BCAS3: variants seen among roughly 807,000 people sequenced by gnomAD.
BCAS3 encodes the protein BCAS3 microtubule associated cell migration factor, also known as BCAS4/BCAS3 fusion.
A neutral mutation model predicts 116.1 loss-of-function variants in BCAS3; 53 were observed. The observed-to-expected ratio is 0.46, with a 90% confidence interval of 0.37 to 0.57. The LOEUF (loss-of-function observed/expected upper bound fraction) is 0.57, where lower values mean the gene tolerates loss of function less well. Ranked by LOEUF, BCAS3 falls within the 20% of genes least tolerant of loss-of-function variation. BCAS3 has a pLI of 0.00. For synonymous variants in BCAS3, 391 were observed against 408.2 expected (o/e 0.96, Z 0.51); for missense variants, 917 against 1,165.4 (o/e 0.79, Z 3.10).
At chr17:60,704,190 G>T (rs926596062) in intron 4 of BCAS3, among the ~76,000 whole-genome samples, 3 of 152,100 alleles carry the variant, frequency 2.0e-5, no homozygotes, top group South Asian at 2.1e-4. Flanking sequence ...GAGGAGAAAG[G>T]TTATCTGCCT....
chr17:60,794,051 G>A lies in BCAS3; in HGVS notation c.404-13953G>A, dbSNP rs1018150600. Among the ~76,000 whole-genome samples the A allele has an allele frequency of 4.6e-5, 7 of 152,124 alleles. No individual in the cohort carries two copies. In the East Asian group the frequency reaches 9.6e-4, roughly 21 times the overall value. On this transcript the variant is annotated intron_variant, in intron 6 of 23. Coordinates refer to ENST00000407086, the MANE Select transcript of BCAS3 (RefSeq NM_017679.5). ...AGTGTAGAAGTGTTCCCTGATCGCCGCATCCACACCAACATCTACTGTTTT... is the reference window on the plus strand; with the variant it reads ...AGTGTAGAAGTGTTCCCTGATCGCCACATCCACACCAACATCTACTGTTTT...
intron 22 of BCAS3, among the ~76,000 whole-genome samples, chr17:61,266,899 G>C (rs983615877): frequency 6.6e-6 from 1 of 152,114 alleles, no homozygotes; most frequent in Non-Finnish European, 1.5e-5. Flanking sequence ...CCTCACACAC[G>C]CACATTCATC....
At chr17:60,747,380 T>A in intron 6 of BCAS3, 101 bp downstream of exon 6, 1 of 934,088 alleles carries the variant, frequency 1.1e-6, no homozygotes, top group South Asian at 1.6e-5. Context: ...TCTGTTTTCC[T>A]CCAAGTGTCC....
intron 3 of BCAS3, among the ~76,000 whole-genome samples, chr17:60,686,059 G>GTCTAAATTTTGTATTTA (rs2033992305): frequency 6.6e-6 from 1 of 151,790 alleles, no homozygotes; most frequent in Non-Finnish European, 1.5e-5. Context: ...TAGTAGAGAC[G>GTCTAAATTTTGTATTTA]GGGTTTCACT....
chr17:60,968,512 A>G (rs2061779013), intron 14 of BCAS3, among the ~76,000 whole-genome samples: 1 of 151,992 alleles, frequency 6.6e-6, no homozygotes, highest in Non-Finnish European at 1.5e-5. Context: ...TGGAATTACA[A>G]GCATGAGGCA....
intron 22 of BCAS3, among the ~76,000 whole-genome samples, chr17:61,176,946 A>G (rs148315819): frequency 6.6e-6 from 1 of 152,368 alleles, no homozygotes; most frequent in Non-Finnish European, 1.5e-5. Flanking sequence ...AGCATATGCA[A>G]AAATGTTTAA....
At position 61,339,942 on chromosome 17, in the gene BCAS3, T is replaced by C. The variant is rs1426244717; in HGVS notation, c.2426-28385T>C. On this transcript the variant is annotated intron_variant, in intron 22 of 23. Coordinates refer to ENST00000407086, the MANE Select transcript of BCAS3 (RefSeq NM_017679.5). The surrounding 1 kb of genome is among the most constrained non-coding windows in gnomAD (Gnocchi z 4.4). The stretch of plus-strand genomic sequence containing the variant: ...CCTGCTGAAAGATGAGGCCAGATGA[T>C]AACTGAGAAATGGCTGTGGGATTCA... 6.6e-6 allele frequency among the ~76,000 whole-genome samples: 1 copy of C among 152,116 alleles called. No homozygotes were observed. Among genetic ancestry groups the C allele is most frequent in the African/African-American group, 2.4e-5 (1 of 41,416 alleles).
intron 22 of BCAS3, among the ~76,000 whole-genome samples, chr17:61,342,296 T>C (rs2057218889): frequency 6.6e-6 from 1 of 152,212 alleles, no homozygotes; most frequent in South Asian, 2.1e-4. Context: ...TTTAGAAACG[T>C]CACTTCCCCA....
chr17:61,190,730 A>G (rs2080058617), intron 22 of BCAS3, among the ~76,000 whole-genome samples: 1 of 151,730 alleles, frequency 6.6e-6, no homozygotes. Context: ...CAGCCTCCCA[A>G]GTAGCTGGGA....
chr17:60,820,681 T>C (rs1343570211), intron 7 of BCAS3, among the ~76,000 whole-genome samples: 2 of 152,070 alleles, frequency 1.3e-5, no homozygotes, highest in Non-Finnish European at 2.9e-5. Flanking sequence ...AGATTTTACC[T>C]AAAAAAAGAC....
chr17:60,782,593 TATTATTA>T (rs2045928821), intron 6 of BCAS3, among the ~76,000 whole-genome samples: 1 of 148,372 alleles, frequency 6.7e-6, no homozygotes, highest in Non-Finnish European at 1.5e-5. Context: ...TTATTATTAT[TATTATTA>T]TTTTGAGATG....
rs12603030 is a variant in BCAS3, at chr17:61,276,308, A to G, written c.2426-92019A>G. Among the ~76,000 whole-genome samples the G allele has an allele frequency of 0.14, 21,114 of 152,052 alleles. 2,885 individuals are homozygous for G. The highest frequency in any genetic ancestry group is 0.36 in the African/African-American group (14,840 of 41,416). Reference sequence around the variant, plus strand: ...GCAGAGGTTGCAGTGAGCCAAGATCATGCCATTGCACTCCAGCCTGGGCTA... The same window carrying G: ...GCAGAGGTTGCAGTGAGCCAAGATCGTGCCATTGCACTCCAGCCTGGGCTA... On this transcript the variant is annotated intron_variant, in intron 22 of 23. Transcript: ENST00000407086. The surrounding 1 kb of genome is among the most constrained non-coding windows in gnomAD (Gnocchi z 4.2).
intron 22 of BCAS3, among the ~76,000 whole-genome samples, chr17:61,253,688 A>G (rs2048543242): frequency 6.6e-6 from 1 of 151,428 alleles, no homozygotes; most frequent in Admixed American, 6.6e-5. Flanking sequence ...AGTGCTTCAT[A>G]AAGTCCTGTG....
intron 22 of BCAS3, among the ~76,000 whole-genome samples, chr17:61,192,810 TAG>T (rs1249016146): frequency 1.3e-5 from 2 of 152,200 alleles, no homozygotes; most frequent in Admixed American, 6.5e-5. Context: ...ATAATGATAA[TAG>T]AATAGCAATA....
chr17:61,193,754 T>A (rs2080294173), intron 22 of BCAS3, among the ~76,000 whole-genome samples: 5 of 38,058 alleles, frequency 1.3e-4, no homozygotes, highest in South Asian at 1.9e-3. Context: ...CGAAACTCCA[T>A]CTCAAAAAAA....
rs1831842927 is a variant in BCAS3, at chr17:61,388,520, C to T, written c.2594-3457C>T. 5 of 1,220,664 alleles carry T rather than the reference C, an allele frequency of 4.1e-6. No individual in the cohort carries two copies. Among genetic ancestry groups the T allele is most frequent in the Non-Finnish European group, 5.7e-6 (5 of 880,084 alleles). 75.6% of individuals were successfully genotyped at this position (1,220,664 alleles called of 1,614,324 possible). Reference sequence around the variant, plus strand: ...CTCCTCACGGTGTGCCCCTGCGCCTCCTGACACCTCTCCACCTGCTTGCAG... The same window carrying T: ...CTCCTCACGGTGTGCCCCTGCGCCTTCTGACACCTCTCCACCTGCTTGCAG... On this transcript the variant is annotated intron_variant, in intron 23 of 23. Coordinates refer to ENST00000407086, the MANE Select transcript of BCAS3 (RefSeq NM_017679.5). The surrounding 1 kb of genome is among the most constrained non-coding windows in gnomAD (Gnocchi z 6.5).
chr17:61,350,280 T>A (rs1169878408), intron 22 of BCAS3, among the ~76,000 whole-genome samples: 1 of 151,972 alleles, frequency 6.6e-6, no homozygotes, highest in Non-Finnish European at 1.5e-5. Flanking sequence ...CTGGGTATGG[T>A]GGCACACACC....
At chr17:60,791,398 T>C (rs1369219963) in intron 6 of BCAS3, among the ~76,000 whole-genome samples, 3 of 152,218 alleles carry the variant, frequency 2.0e-5, no homozygotes, top group South Asian at 4.1e-4. Context: ...CTCACGTCTG[T>C]ATCCCAGCTC....
At chr17:60,816,831 G>C (rs1051650844) in intron 7 of BCAS3, among the ~76,000 whole-genome samples, 1 of 152,158 alleles carries the variant, frequency 6.6e-6, no homozygotes, top group Admixed American at 6.5e-5. Flanking sequence ...GCTCATTGGC[G>C]CTAGAGTGAC....
Sources: allele counts gnomAD v4.1 joint callset (sites outside exome capture counted in the v4.1 genomes callset), GRCh38; gene constraint gnomAD v4.1.1; non-coding constraint Gnocchi (gnomAD v3.1); transcripts MANE v1.5; gene names NCBI Gene and HGNC (gene_info 2026-07-23, HGNC 2026-07-21).